The following ID2 variants were observed in gnomAD, a reference collection of about 807,000 sequenced individuals.
The protein encoded by ID2 is inhibitor of DNA binding 2.
A neutral mutation model predicts 8.3 loss-of-function variants in ID2; 2 were observed. The ratio of observed to expected loss-of-function variants is 0.24; its 90% CI spans 0.10 to 0.76. ID2 has a LOEUF of 0.76. Among genes scored for constraint, ID2 ranks in the 30% least tolerant of loss-of-function variants. The probability of loss-of-function intolerance (pLI) is 0.73; values close to 1 mark genes in which losing one functional copy is unlikely to be tolerated. For missense variants in ID2, 155 were observed against 167.0 expected, an observed-to-expected ratio of 0.93 and a Z score of 0.40; for synonymous variants, 112 against 72.3, an observed-to-expected ratio of 1.55 and a Z score of -2.79.
In ID2 at chr2:8,682,831, C is replaced by G. The variant is rs1265937223; in HGVS notation, c.349-12C>G. On this transcript the variant is annotated splice_polypyrimidine_tract_variant and intron_variant, in intron 1 of 2. Coordinates refer to ENST00000396290, the MANE Select transcript of ID2 (RefSeq NM_002166.5). Reference sequence around the variant, plus strand: ...GTCTTAACCTCGTACTCTTTATCCTCTTTCTTTCCAGGCTTCTGAATTCCC... The same window carrying G: ...GTCTTAACCTCGTACTCTTTATCCTGTTTCTTTCCAGGCTTCTGAATTCCC... 6.3e-7 allele frequency: 1 copy of G among 1,590,768 alleles called. No individual in the cohort carries two copies. Among genetic ancestry groups the G allele is most frequent in the Non-Finnish European group, 8.6e-7 (1 of 1,160,020 alleles).
chr2:8,682,522 T>TGCTCCGGGGTCCCC lies in ID2; in HGVS notation c.348+12_348+25dup. On this transcript the variant is annotated intron_variant, in intron 1 of 2. Coordinates refer to ENST00000396290, the MANE Select transcript of ID2 (RefSeq NM_002166.5). The stretch of plus-strand genomic sequence containing the variant: ...GCATCCTGTCCTTGCAGGTAAGACC[T>TGCTCCGGGGTCCCC]GCTCCGGGGTCCCCGCCCCGCCGCC... The TGCTCCGGGGTCCCC allele has an allele frequency of 1.9e-6, 3 of 1,599,008 alleles. No homozygotes were observed. Among genetic ancestry groups the TGCTCCGGGGTCCCC allele is most frequent in the Non-Finnish European group, 2.6e-6 (3 of 1,169,580 alleles).
chr2:8,683,781 G>A lies in ID2; in HGVS notation c.*104G>A, dbSNP rs1183093037. The A allele has an allele frequency of 6.6e-6, 1 of 152,212 alleles. No individual in the cohort carries two copies. The highest frequency in any genetic ancestry group is 1.5e-5 in the Non-Finnish European group (1 of 68,028). 9.4% of individuals were successfully genotyped at this position (152,212 alleles called of 1,614,324 possible). A position where few individuals can be genotyped will look rare whatever the true frequency, so the allele number is the denominator to read the frequency against. On this transcript the variant is annotated 3_prime_UTR_variant, in exon 3 of 3. Coordinates refer to ENST00000396290, the MANE Select transcript of ID2 (RefSeq NM_002166.5). ...ACTTATTTTTCAACCATTTCACAAG[G>A]AGGACAAGTTGAATGGACCTTTTTA...
chr2:8,682,609 G>A (rs777091199), intron 1 of ID2, 96 bp downstream of exon 1: 3 of 876,142 alleles, frequency 3.4e-6, no homozygotes, highest in Non-Finnish European at 5.3e-6. Context: ...GGTGACTTTC[G>A]TATGAGCTAT....
Position 8,683,849 on chromosome 2 carries a change from TCCCAGGG to T in ID2, c.*173_*179del, listed in dbSNP as rs1224569017. ...GAAGGAAAACTAAGAATGATCATCT[TCCCAGGG>T]TGTTCTCTTACTTGGACTGTGATAT... On this transcript the variant is annotated 3_prime_UTR_variant, in exon 3 of 3. Coordinates refer to ENST00000396290, the MANE Select transcript of ID2 (RefSeq NM_002166.5). The T allele has an allele frequency of 6.6e-6, 1 of 152,530 alleles. No individual in the cohort carries two copies. The highest frequency in any genetic ancestry group is 1.5e-5 in the Non-Finnish European group (1 of 68,042). The allele number at this position is 152,530 out of a possible 1,614,324, so 9.4% of individuals were successfully genotyped here. A position where few individuals can be genotyped will look rare whatever the true frequency, so the allele number is the denominator to read the frequency against.
In ID2 at chr2:8,683,776, A is replaced by C. The variant is rs1662162037; in HGVS notation, c.*99A>C. On this transcript the variant is annotated 3_prime_UTR_variant, in exon 3 of 3. Transcript: ENST00000396290. The stretch of plus-strand genomic sequence containing the variant: ...GCTGAACTTATTTTTCAACCATTTC[A>C]CAAGGAGGACAAGTTGAATGGACCT... The C allele has an allele frequency of 6.6e-6, 1 of 152,404 alleles. No individual in the cohort carries two copies. Among genetic ancestry groups the C allele is most frequent in the African/African-American group, 2.4e-5 (1 of 41,314 alleles). The allele number at this position is 152,404 out of a possible 1,614,324, so 9.4% of individuals were successfully genotyped here. A position where few individuals can be genotyped will look rare whatever the true frequency, so the allele number is the denominator to read the frequency against.
In ID2 at chr2:8,682,188, G is replaced by A. The variant is rs1353393525; in HGVS notation, c.23G>A (p.Arg8Lys). The change falls in exon 1 of 3, where the codon AGG (arginine) becomes AAG (lysine). Residue 8 changes from arginine (R) to lysine (K), a missense_variant. By Grantham distance (26) the Arg-to-Lys change is conservative. Around this residue, in one of 3 missense-constraint regions of ID2, gnomAD observed 73 missense variants for 72.2 expected, o/e 1.01. Transcript: ENST00000396290. MKAFSPV[R>K]SVRKNSLSDH... ...AGCATGAAAGCCTTCAGTCCCGTGA[G>A]GTCCGTTAGGAAAAACAGCCTGTCG... 1 of 1,613,728 alleles carries A rather than the reference G, an allele frequency of 6.2e-7. No individual in the cohort carries two copies.
Position 8,682,133 on chromosome 2 carries a change from T to TC in ID2, c.-30dup, listed in dbSNP as rs1452985599. The TC allele has an allele frequency of 1.3e-6, 2 of 1,568,650 alleles. No individual in the cohort carries two copies. The highest frequency in any genetic ancestry group is 2.7e-5 in the African/African-American group (2 of 73,930). On this transcript the variant is annotated 5_prime_UTR_variant, in exon 1 of 3. Coordinates refer to ENST00000396290, the MANE Select transcript of ID2 (RefSeq NM_002166.5). ...CGGCCTGAGCTTCAGGGCAGCCAGC[T>TC]CCCTCCCGGTCTCGCCTTCCCTCGC... is the stretch of plus-strand genomic sequence containing the variant.
At chr2:8,683,266 A>G (rs1023344344) in intron 2 of ID2, among the ~76,000 whole-genome samples, 3 of 152,194 alleles carry the variant, frequency 2.0e-5, no homozygotes, top group Non-Finnish European at 2.9e-5. Flanking sequence ...CACAAATTCC[A>G]TAGTGATCCT....
At position 8,682,501 on chromosome 2, in the gene ID2, C is replaced by T. The variant is rs762322038; in HGVS notation, c.336C>T (p.Ile112=). The change falls in exon 1 of 3, where the codon ATC becomes ATT. Residue 112 remains isoleucine (I), a synonymous_variant. Coordinates refer to ENST00000396290, the MANE Select transcript of ID2 (RefSeq NM_002166.5). ...CCACCCTCAACACGGATATCAGCAT[C>T]CTGTCCTTGCAGGTAAGACCTGCTC... is the stretch of plus-strand genomic sequence containing the variant. ...PLTTLNTDIS[I]LSLQASEFPS... is the part of the protein sequence containing the mutation. 19 of 1,612,538 alleles carry T rather than the reference C, an allele frequency of 1.2e-5. No homozygotes were observed. Among genetic ancestry groups the T allele is most frequent in the East Asian group, 2.2e-5 (1 of 44,880 alleles).
chr2:8,683,305 T>C (rs1292520488), intron 2 of ID2, among the ~76,000 whole-genome samples: 2 of 152,156 alleles, frequency 1.3e-5, no homozygotes, highest in East Asian at 3.8e-4. Flanking sequence ...TCCTCTGGGA[T>C]TCTCTGGGCT....
At chr2:8,682,538 C>G (rs1489710237) in intron 1 of ID2, 25 bp downstream of exon 1, 1 of 1,562,724 alleles carries the variant, frequency 6.4e-7, no homozygotes, top group Non-Finnish European at 8.8e-7. Context: ...GGGGTCCCCG[C>G]CCCGCCGCCG....
At position 8,682,497 on chromosome 2, in the gene ID2, G is replaced by A. The variant is rs1343557943; in HGVS notation, c.332G>A (p.Ser111Asn). The A allele has an allele frequency of 6.2e-7, 1 of 1,612,728 alleles. No individual in the cohort carries two copies. The highest frequency in any genetic ancestry group is 8.5e-7 in the Non-Finnish European group (1 of 1,179,682). The change falls in exon 1 of 3, where the codon AGC becomes AAC. Residue 111 changes from serine to asparagine, a missense_variant. Around this residue, in one of 3 missense-constraint regions of ID2, gnomAD observed 75 missense variants for 72.2 expected, o/e 1.04. Coordinates refer to ENST00000396290, the MANE Select transcript of ID2 (RefSeq NM_002166.5). The part of the protein sequence containing the change: ...TPLTTLNTDI[S>N]ILSLQASEFP... ...CTGACCACCCTCAACACGGATATCA[G>A]CATCCTGTCCTTGCAGGTAAGACCT...
rs1662160242 is a variant in ID2, at chr2:8,683,734, C to T, written c.*57C>T. On this transcript the variant is annotated 3_prime_UTR_variant, in exon 3 of 3. Transcript: ENST00000396290. ...TGCACAACAACAACAACAACAAATT[C>T]ACGGAATCTTTTAAGTGCTGAACTT... 6.6e-6 allele frequency: 1 copy of T among 152,480 alleles called. No homozygotes were observed. Among genetic ancestry groups the T allele is most frequent in the Admixed American group, 6.6e-5 (1 of 15,262 alleles). The allele number at this position is 152,480 out of a possible 1,614,324, so 9.4% of individuals were successfully genotyped here.
Position 8,683,821 on chromosome 2 carries a change from AT to A in ID2, c.*145del, listed in dbSNP as rs1241047879. 2.6e-5 allele frequency: 4 copies of A among 152,156 alleles called. No individual in the cohort carries two copies. The highest frequency in any genetic ancestry group is 9.7e-5 in the African/African-American group (4 of 41,188). The allele number at this position is 152,156 out of a possible 1,614,324, so 9.4% of individuals were successfully genotyped here. On this transcript the variant is annotated 3_prime_UTR_variant, in exon 3 of 3. Transcript: ENST00000396290. Reference sequence around the variant, plus strand: ...GGACCTTTTTAAAAAGAAAAAAAAAATGGAAGGAAAACTAAGAATGATCATC... The same window carrying A: ...GGACCTTTTTAAAAAGAAAAAAAAAAGGAAGGAAAACTAAGAATGATCATC...
rs546770517 is a variant in ID2 at position 8,682,744 on chromosome 2, TTGC to T, written c.349-96_349-94del. 1.8e-4 allele frequency: 172 copies of T among 958,432 alleles called. No individual in the cohort carries two copies. In the African/African-American group the frequency reaches 2.6e-3, roughly 15 times the overall value. The allele number at this position is 958,432 out of a possible 1,614,324, so 59.4% of individuals were successfully genotyped here. ...TTACCATAAACGTGTTTAATGGAACTTGCTGGTCTGTGGACTACAAAAAAAAAA... is the reference window on the plus strand; with the variant it reads ...TTACCATAAACGTGTTTAATGGAACTTGGTCTGTGGACTACAAAAAAAAAA... On this transcript the variant is annotated intron_variant, in intron 1 of 2. Transcript: ENST00000396290.
chr2:8,682,956 TGCGC>T (rs3053671), intron 2 of ID2, 50 bp downstream of exon 2: 6 of 1,381,710 alleles, frequency 4.3e-6, no homozygotes, highest in Non-Finnish European at 6.2e-6. Flanking sequence ...TCGGTGTGTG[TGCGC>T]GCGCGCGCAT....
intron 2 of ID2, 117 bp downstream of exon 2, chr2:8,683,023 C>T (rs774807155): frequency 4.3e-5 from 35 of 811,300 alleles, no homozygotes; most frequent in Non-Finnish European, 6.6e-5. Context: ...TGCATGCTTA[C>T]TTCGCGGTGT....
In ID2 at chr2:8,682,153, C is replaced by A; in HGVS notation, c.-13C>A. On this transcript the variant is annotated 5_prime_UTR_variant, in exon 1 of 3. Transcript: ENST00000396290. ...CCAGCTCCCTCCCGGTCTCGCCTTC[C>A]CTCGCGGTCAGCATGAAAGCCTTCA... 6.2e-7 allele frequency: 1 copy of A among 1,606,496 alleles called. No homozygotes were observed. The highest frequency in any genetic ancestry group is 1.1e-5 in the South Asian group (1 of 90,980).
At position 8,682,219 on chromosome 2, in the gene ID2, C is replaced by G. The variant is rs141179746; in HGVS notation, c.54C>G (p.His18Gln). 1 of 1,614,074 alleles carries G rather than the reference C, an allele frequency of 6.2e-7. No individual in the cohort carries two copies. Among genetic ancestry groups the G allele is most frequent in the Non-Finnish European group, 8.5e-7 (1 of 1,180,040 alleles). ...RSVRKNSLSD[H>Q]SLGISRSKTP... is the part of the protein sequence containing the mutation. ...TTAGGAAAAACAGCCTGTCGGACCA[C>G]AGCCTGGGCATCTCCCGGAGCAAAA... Residue 18 changes from histidine (H) to glutamine (Q), a missense_variant, in exon 1 of 3, where the codon CAC becomes CAG. His to Gln is a conservative substitution (Grantham distance 24, BLOSUM62 0). Coordinates refer to ENST00000396290, the MANE Select transcript of ID2 (RefSeq NM_002166.5).
Sources: gnomAD v4.1 joint callset for allele counts (sites outside exome capture counted in the v4.1 genomes callset) on GRCh38, gnomAD v4.1.1 for gene constraint, gnomAD v4.1.1 regional missense constraint, MANE v1.5 for transcripts, NCBI Gene and HGNC (gene_info 2026-07-23, HGNC 2026-07-21) for gene names.